Variants in CAMKMT observed in about 807,000 individuals in gnomAD.
CAMKMT encodes the protein CaM KMT.
In CAMKMT, 53 loss-of-function variants were observed where a neutral mutation model predicts 48.0. That is an observed-to-expected ratio of 1.10 (90% CI 0.89 to 1.39). CAMKMT has a LOEUF of 1.39. Among genes scored for constraint, CAMKMT ranks in the 40% most tolerant of loss-of-function variants. CAMKMT has a pLI of 0.00. For missense variants in CAMKMT, 428 were observed against 402.7 expected (o/e 1.06, Z -0.54); for synonymous variants, 165 against 152.3 (o/e 1.08, Z -0.61).
At chr2:44,510,986 A>G (rs545113853) in intron 3 of CAMKMT, among the ~76,000 whole-genome samples, 1 of 151,930 alleles carries the variant, frequency 6.6e-6, no homozygotes, top group South Asian at 2.1e-4. Flanking sequence ...GATTACAGGA[A>G]TGTGCCACTG....
intron 2 of CAMKMT, among the ~76,000 whole-genome samples, chr2:44,383,274 C>A (rs1382077849): frequency 6.6e-6 from 1 of 152,068 alleles, no homozygotes; most frequent in Non-Finnish European, 1.5e-5. Flanking sequence ...AAGCAATTCT[C>A]CTGCCTCAGC....
chr2:44,743,539 C>A, intron 7 of CAMKMT, 83 bp from the exon 8 acceptor site: 1 of 918,154 alleles, frequency 1.1e-6, no homozygotes, highest in Non-Finnish European at 1.7e-6. Context: ...TTTCAAGTGC[C>A]ACAAAAAAAT....
chr2:44,410,320 G>T (rs1240645752), intron 3 of CAMKMT, among the ~76,000 whole-genome samples: 3 of 83,878 alleles, frequency 3.6e-5, no homozygotes, highest in African/African-American at 1.5e-4. Flanking sequence ...GCAGTGGCGC[G>T]ATCTTGGCTC....
chr2:44,372,804 G>A lies in CAMKMT; in HGVS notation c.227G>A (p.Gly76Asp), dbSNP rs754758348. 2.5e-6 allele frequency: 4 copies of A among 1,613,764 alleles called. No individual in the cohort carries two copies. Among genetic ancestry groups the A allele is most frequent in the Non-Finnish European group, 3.4e-6 (4 of 1,179,898 alleles). ...ESFNLFSVTE[G>D]KERETEEEVG... is the part of the protein sequence containing the mutation. ...TTTAATCTGTTTTCAGTAACAGAAGGCAAAGAAAGGGAAACTGAAGAGGAG... is the reference window on the plus strand; with the variant it reads ...TTTAATCTGTTTTCAGTAACAGAAGACAAAGAAAGGGAAACTGAAGAGGAG... The change falls in exon 2 of 11, where the codon GGC becomes GAC. Residue 76 changes from glycine to aspartate, a missense_variant. Coordinates refer to ENST00000378494, the MANE Select transcript of CAMKMT (RefSeq NM_024766.5).
intron 3 of CAMKMT, among the ~76,000 whole-genome samples, chr2:44,480,314 A>C (rs1668902330): frequency 6.6e-6 from 1 of 152,182 alleles, no homozygotes; most frequent in Non-Finnish European, 1.5e-5. Context: ...ACACACATAC[A>C]CACACCCTCC....
At chr2:44,669,329 G>A (rs530894047) in intron 3 of CAMKMT, among the ~76,000 whole-genome samples, 118 of 152,144 alleles carry the variant, frequency 7.8e-4, no homozygotes, top group African/African-American at 2.7e-3. Context: ...GTGTATTGTT[G>A]ATGGACACTT....
chr2:44,366,353 A>C (rs1678591977), intron 1 of CAMKMT, among the ~76,000 whole-genome samples: 1 of 152,202 alleles, frequency 6.6e-6, no homozygotes. Flanking sequence ...CACGTACTGG[A>C]TGCTCTTCAC....
intron 3 of CAMKMT, among the ~76,000 whole-genome samples, chr2:44,684,241 C>G (rs1001724860): frequency 3.3e-5 from 5 of 152,190 alleles, no homozygotes; most frequent in African/African-American, 1.2e-4. Flanking sequence ...AACAACTCAG[C>G]CTGTGCACTT....
intron 2 of CAMKMT, among the ~76,000 whole-genome samples, chr2:44,375,848 C>T (rs1343708818): frequency 1.3e-5 from 2 of 151,912 alleles, no homozygotes; most frequent in Non-Finnish European, 2.9e-5. Context: ...TGCAGTAGCC[C>T]ATTCTCAGCT....
At chr2:44,681,361 C>A (rs1167569471) in intron 3 of CAMKMT, among the ~76,000 whole-genome samples, 1 of 152,132 alleles carries the variant, frequency 6.6e-6, no homozygotes, top group Admixed American at 6.5e-5. Flanking sequence ...CGCAGCTGAT[C>A]CCCTACCGCT....
chr2:44,525,944 G>T lies in CAMKMT; in HGVS notation c.376+135639G>T, dbSNP rs1328858452. Among the ~76,000 whole-genome samples the T allele has an allele frequency of 6.6e-5, 10 of 152,050 alleles. No homozygotes were observed. The East Asian group carries it at 1.9e-3, about 30-fold the overall frequency. On this transcript the variant is annotated intron_variant, in intron 3 of 10. Coordinates refer to ENST00000378494, the MANE Select transcript of CAMKMT (RefSeq NM_024766.5). Reference sequence around the variant, plus strand: ...ACATATGTATACATGTGCCATGCTGGTGTGCTGCACCCATTAACTCGTCAT... The same window carrying T: ...ACATATGTATACATGTGCCATGCTGTTGTGCTGCACCCATTAACTCGTCAT...
rs143586519 is a variant in CAMKMT at position 44,476,150 on chromosome 2, C to T, written c.376+85845C>T. On this transcript the variant is annotated intron_variant, in intron 3 of 10. Transcript: ENST00000378494. ...AGGGTAGCACTGTAGTTCTTCGGTG[C>T]TTGAGTTGATACTGCAATTTAATAC... 7.4e-3 allele frequency among the ~76,000 whole-genome samples: 1,122 copies of T among 152,120 alleles called. 5 individuals are homozygous for T. The highest frequency in any genetic ancestry group is 0.013 in the Non-Finnish European group (879 of 68,006).
rs181721581 is a variant in CAMKMT at position 44,457,963 on chromosome 2, A to G, written c.376+67658A>G. On this transcript the variant is annotated intron_variant, in intron 3 of 10. Coordinates refer to ENST00000378494, the MANE Select transcript of CAMKMT (RefSeq NM_024766.5). Reference sequence around the variant, plus strand: ...TGGAACAGCCTGCACATTAGTGTAAAGAACATCCCCCATTTTGGAGTCAGA... The same window carrying G: ...TGGAACAGCCTGCACATTAGTGTAAGGAACATCCCCCATTTTGGAGTCAGA... Among the ~76,000 whole-genome samples, 3 of 152,198 alleles carry G rather than the reference A, an allele frequency of 2.0e-5. No homozygotes were observed. In the East Asian group the frequency reaches 5.8e-4, roughly 29 times the overall value.
At chr2:44,734,455 C>G (rs1351161048) in intron 7 of CAMKMT, among the ~76,000 whole-genome samples, 3 of 151,786 alleles carry the variant, frequency 2.0e-5, no homozygotes, top group Admixed American at 6.6e-5. Flanking sequence ...CGCTGTGATG[C>G]CCAGGCTGGA....
intron 3 of CAMKMT, among the ~76,000 whole-genome samples, chr2:44,563,114 A>G (rs1668411693): frequency 1.4e-5 from 2 of 146,608 alleles, no homozygotes; most frequent in South Asian, 2.2e-4. Context: ...ATTAAAACTT[A>G]CAAGGTTTAC....
chr2:44,639,384 C>A lies in CAMKMT; in HGVS notation c.377-64899C>A, dbSNP rs146000984. On this transcript the variant is annotated intron_variant, in intron 3 of 10. Transcript: ENST00000378494. ...AGTTCTTATGGACAGCTTAGCATAG[C>A]AGTTAAGAGCACAGATGCTGGAGTC... Among the ~76,000 whole-genome samples, 674 of 152,298 alleles carry A rather than the reference C, an allele frequency of 4.4e-3. 4 individuals carry two copies. The highest frequency in any genetic ancestry group is 0.015 in the African/African-American group (642 of 41,558).
intron 3 of CAMKMT, among the ~76,000 whole-genome samples, chr2:44,504,098 A>T (rs1670142188): frequency 6.6e-6 from 1 of 152,010 alleles, no homozygotes. Flanking sequence ...ACCTCATCTA[A>T]GCCTTATTAC....
At chr2:44,391,259 AT>A (rs1170641924) in intron 3 of CAMKMT, among the ~76,000 whole-genome samples, 1 of 152,218 alleles carries the variant, frequency 6.6e-6, no homozygotes, top group Non-Finnish European at 1.5e-5. Context: ...TTATAGAAAA[AT>A]ATTTGTGGTT....
chr2:44,600,557 G>A (rs1311934597), intron 3 of CAMKMT, among the ~76,000 whole-genome samples: 1 of 152,024 alleles, frequency 6.6e-6, no homozygotes, highest in Non-Finnish European at 1.5e-5. Context: ...TGTAAGCCAT[G>A]GTGCCTGGCC....
Sources: gnomAD v4.1 joint callset for allele counts (sites outside exome capture counted in the v4.1 genomes callset) on GRCh38, gnomAD v4.1.1 for gene constraint, MANE v1.5 for transcripts, NCBI Gene and HGNC (gene_info 2026-07-23, HGNC 2026-07-21) for gene names.